Variants in MEIOB observed in about 807,000 individuals in gnomAD.
MEIOB encodes the protein meiosis specific with OB-fold, also known as meiosis-specific with OB domain-containing protein.
In MEIOB, 50 loss-of-function variants were observed where a neutral mutation model predicts 53.1. The ratio of observed to expected loss-of-function variants is 0.94; its 90% CI spans 0.75 to 1.19. MEIOB has a LOEUF of 1.19. Ranked by LOEUF, MEIOB falls within the 50% of genes most tolerant of loss-of-function variation. MEIOB has a pLI of 0.00. For missense variants in MEIOB, 551 were observed against 550.8 expected (o/e 1.00, Z 0.00); for synonymous variants, 192 against 182.5 (o/e 1.05, Z -0.42).
At chr16:1,858,053 C>G (rs1466395917) in intron 5 of MEIOB, 123 bp from the exon 6 acceptor site, 16 of 628,016 alleles carry the variant, frequency 2.5e-5, no homozygotes, top group Non-Finnish European at 5.3e-6. Flanking sequence ...ATACTTTTTA[C>G]TCTTAGAAAC....
At chr16:1,835,209 C>T (rs10468423) in intron 13 of MEIOB, among the ~76,000 whole-genome samples, 26,971 of 151,322 alleles carry the variant, frequency 0.18, 2,564 homozygotes, top group South Asian at 0.27. Context: ...AAGCTGTGAT[C>T]GCACCACGTG....
At chr16:1,835,006 G>A (rs1898703725) in intron 13 of MEIOB, among the ~76,000 whole-genome samples, 1 of 141,286 alleles carries the variant, frequency 7.1e-6, no homozygotes, top group South Asian at 2.2e-4. Context: ...TGTAATCCCA[G>A]CACTTTGGGA....
At chr16:1,835,755 G>C (rs549755203) in intron 13 of MEIOB, among the ~76,000 whole-genome samples, 211 of 152,296 alleles carry the variant, frequency 1.4e-3, no homozygotes, top group African/African-American at 4.8e-3. Context: ...TCTGAGTGAA[G>C]ATGCACTGCT....
At chr16:1,842,698 CT>C (rs200529619) in intron 10 of MEIOB, among the ~76,000 whole-genome samples, 25,778 of 149,050 alleles carry the variant, frequency 0.17, 2,400 homozygotes, top group South Asian at 0.26. Context: ...GAGTCTCACT[CT>C]GTCGCCCAGG....
At chr16:1,842,024 A>G (rs372006978) in intron 10 of MEIOB, 51 bp from the exon 11 acceptor site, 722 of 1,263,142 alleles carry the variant, frequency 5.7e-4, no homozygotes, top group Non-Finnish European at 6.9e-4. Context: ...AAAAAATATA[A>G]AAGGTTACAT....
At chr16:1,851,519 C>T (rs938675840) in intron 9 of MEIOB, among the ~76,000 whole-genome samples, 8 of 152,066 alleles carry the variant, frequency 5.3e-5, no homozygotes, top group African/African-American at 1.7e-4. Flanking sequence ...TCCATTTTGT[C>T]GTTGCACCCC....
In MEIOB at chr16:1,848,544, C is replaced by CTT. The variant is rs749481002; in HGVS notation, c.779-3583_779-3582dup. Among the ~76,000 whole-genome samples the CTT allele has an allele frequency of 7.1e-3, 927 of 129,720 alleles. 12 individuals are homozygous for CTT. The highest frequency in any genetic ancestry group is 0.025 in the African/African-American group (881 of 34,636). The allele number at this position is 129,720 out of a possible 152,430, so 85.1% of individuals were successfully genotyped here. A position where few individuals can be genotyped will look rare whatever the true frequency, so the allele number is the denominator to read the frequency against. ...ATCCCTTCTCCTTTTTTTTTTTTTCCTTTTTTTTTTTTTTTGGAGACAGAG... is the reference window on the plus strand; with the variant it reads ...ATCCCTTCTCCTTTTTTTTTTTTTCCTTTTTTTTTTTTTTTTTGGAGACAGAG... On this transcript the variant is annotated intron_variant, in intron 9 of 13. Coordinates refer to ENST00000325962, the MANE Select transcript of MEIOB (RefSeq NM_001163560.3).
intron 1 of MEIOB, among the ~76,000 whole-genome samples, chr16:1,870,922 T>G (rs375263304): frequency 6.6e-6 from 1 of 152,122 alleles, no homozygotes; most frequent in Non-Finnish European, 1.5e-5. Context: ...TTTGACTCAG[T>G]GGCTGAATAT....
At position 1,869,245 on chromosome 16, in the gene MEIOB, C is replaced by T. The variant is rs149589045; in HGVS notation, c.-9-1061G>A. Among the ~76,000 whole-genome samples, 284 of 152,294 alleles carry T rather than the reference C, an allele frequency of 1.9e-3. 5 individuals carry two copies. In the East Asian group the frequency reaches 0.05, roughly 27 times the overall value. ...GCTCAAGCGATTCTTCTGCCTCAGC[C>T]TCCCAAATAGCTGGGATTACAGGCG... On this transcript the variant is annotated intron_variant, in intron 1 of 13. Coordinates refer to ENST00000325962, the MANE Select transcript of MEIOB (RefSeq NM_001163560.3).
At chr16:1,861,938 G>C (rs1367538072) in intron 4 of MEIOB, 47 bp downstream of exon 4, 12 of 1,519,420 alleles carry the variant, frequency 7.9e-6, no homozygotes, top group Non-Finnish European at 1.1e-5. Context: ...ACATACCACA[G>C]GAATAACACT....
chr16:1,859,775 C>G (rs1293131679), intron 5 of MEIOB, among the ~76,000 whole-genome samples: 1 of 152,060 alleles, frequency 6.6e-6, no homozygotes, highest in Non-Finnish European at 1.5e-5. Flanking sequence ...GTACAGGGCA[C>G]AGCTACACCC....
At chr16:1,850,382 C>T (rs1899136535) in intron 9 of MEIOB, among the ~76,000 whole-genome samples, 3 of 150,668 alleles carry the variant, frequency 2.0e-5, no homozygotes, top group African/African-American at 7.3e-5. Flanking sequence ...AGTTCAAGAC[C>T]AGCCTGGCCA....
intron 7 of MEIOB, among the ~76,000 whole-genome samples, 153 bp downstream of exon 7, chr16:1,853,947 A>T (rs1283308589): frequency 6.6e-6 from 1 of 152,246 alleles, no homozygotes; most frequent in East Asian, 1.9e-4. Context: ...ATAACAACTC[A>T]ACATTCAAGA....
At chr16:1,859,034 A>G (rs1899378441) in intron 5 of MEIOB, among the ~76,000 whole-genome samples, 2 of 152,100 alleles carry the variant, frequency 1.3e-5, no homozygotes, top group African/African-American at 2.4e-5. Context: ...TGAGGGGGAG[A>G]CCCAAGAACA....
chr16:1,861,934 C>G, intron 4 of MEIOB, 51 bp downstream of exon 4: 1 of 1,505,504 alleles, frequency 6.6e-7, no homozygotes, highest in Non-Finnish European at 9.0e-7. Context: ...ATAAACATAC[C>G]ACAGGAATAA....
intron 12 of MEIOB, 51 bp downstream of exon 12, chr16:1,839,204 A>G: frequency 6.7e-7 from 1 of 1,482,162 alleles, no homozygotes. Flanking sequence ...TTTTGGGAAA[A>G]AGCATTCACT....
In MEIOB at chr16:1,839,241, T is replaced by A; in HGVS notation, c.1218+14A>T. On this transcript the variant is annotated intron_variant, in intron 12 of 13. Coordinates refer to ENST00000325962, the MANE Select transcript of MEIOB (RefSeq NM_001163560.3). The stretch of plus-strand genomic sequence containing the variant: ...TGGAAATATTCTAAACATTTCTTCC[T>A]TTTTGCTATTTACCGTGCAGCCCAA... The A allele has an allele frequency of 1.9e-6, 3 of 1,558,998 alleles. No individual in the cohort carries two copies. Among genetic ancestry groups the A allele is most frequent in the Non-Finnish European group, 2.6e-6 (3 of 1,153,644 alleles).
At chr16:1,851,110 G>A (rs955082985) in intron 9 of MEIOB, among the ~76,000 whole-genome samples, 12 of 151,948 alleles carry the variant, frequency 7.9e-5, no homozygotes, top group African/African-American at 2.9e-4. Context: ...TGCTGTCACC[G>A]CTCTGCTCCA....
At chr16:1,866,861 T>G (rs1899606975) in intron 2 of MEIOB, among the ~76,000 whole-genome samples, 1 of 152,220 alleles carries the variant, frequency 6.6e-6, no homozygotes, top group South Asian at 2.1e-4. Flanking sequence ...ACAATCAGGC[T>G]TTTAAGACTC....
Sources: allele counts gnomAD v4.1 joint callset (sites outside exome capture counted in the v4.1 genomes callset), GRCh38; gene constraint gnomAD v4.1.1; transcripts MANE v1.5; gene names NCBI Gene and HGNC (gene_info 2026-07-23, HGNC 2026-07-21).